The following TNRC6B variants were observed in gnomAD, a reference collection of about 807,000 sequenced individuals.
The protein encoded by TNRC6B is trinucleotide repeat-containing gene 6B protein.
In TNRC6B, 52 loss-of-function variants were observed where a neutral mutation model predicts 203.6. The ratio of observed to expected loss-of-function variants is 0.26; its 90% CI spans 0.20 to 0.32. The LOEUF is 0.32. TNRC6B is among the 10% of genes least tolerant of loss of function. The pLI is 1.00. For synonymous variants in TNRC6B, 838 were observed against 845.7 expected (o/e 0.99, Z 0.16); for missense variants, 1,923 against 2,286.2 (o/e 0.84, Z 3.24).
chr22:40,125,025 A>T (rs369641825), intron 2 of TNRC6B, among the ~76,000 whole-genome samples: 33 of 152,050 alleles, frequency 2.2e-4, no homozygotes, highest in Admixed American at 9.8e-4. Context: ...AAAAAAAAAA[A>T]ATATTCCTCA....
At chr22:40,096,746 A>C (rs1366143023) in intron 1 of TNRC6B, among the ~76,000 whole-genome samples, 1 of 152,246 alleles carries the variant, frequency 6.6e-6, no homozygotes, top group Non-Finnish European at 1.5e-5. Context: ...GCCAGAAAGC[A>C]TAATGTTAGA....
chr22:40,310,248 G>C (rs765758391), intron 16 of TNRC6B, among the ~76,000 whole-genome samples: 37 of 152,274 alleles, frequency 2.4e-4, no homozygotes, highest in Non-Finnish European at 4.4e-4. Context: ...TCTTGTGCTG[G>C]CAAAGACCCT....
intron 1 of TNRC6B, among the ~76,000 whole-genome samples, chr22:40,239,518 A>G (rs1477412449): frequency 6.6e-6 from 1 of 152,202 alleles, no homozygotes; most frequent in Non-Finnish European, 1.5e-5. Flanking sequence ...AAGCAAGTGG[A>G]TATTGAGCTA....
chr22:40,190,946 CAAG>C (rs940372468), intron 1 of TNRC6B, among the ~76,000 whole-genome samples: 2 of 152,138 alleles, frequency 1.3e-5, no homozygotes, highest in Non-Finnish European at 2.9e-5. Flanking sequence ...GTGCTGGAAA[CAAG>C]AAGGTAAGAA....
chr22:40,267,593 G>A (rs2070498842), intron 5 of TNRC6B, among the ~76,000 whole-genome samples: 1 of 152,192 alleles, frequency 6.6e-6, no homozygotes. Context: ...GTCCTAGTGA[G>A]ATGGCTCACA....
chr22:40,292,548 T>G, intron 12 of TNRC6B, among the ~76,000 whole-genome samples: 1 of 152,228 alleles, frequency 6.6e-6, no homozygotes, highest in East Asian at 1.9e-4. Context: ...AAATGCCATA[T>G]CGATTGCAAC....
intron 1 of TNRC6B, among the ~76,000 whole-genome samples, chr22:40,236,408 G>A (rs561118532): frequency 8.5e-5 from 13 of 152,086 alleles, no homozygotes; most frequent in Non-Finnish European, 1.6e-4. Flanking sequence ...CATCCAAGTT[G>A]GTGTATTATT....
Position 40,251,161 on chromosome 22 carries a change from T to G in TNRC6B, c.94-18T>G, listed in dbSNP as rs1399264065. ...TTAAAAAGCAAATCTCATTTACTTT[T>G]ATCTGTTTATTTTGCAGGTCACGGA... On this transcript the variant is annotated intron_variant, in intron 2 of 22. Coordinates refer to ENST00000454349, the MANE Select transcript of TNRC6B (RefSeq NM_001162501.2). The G allele has an allele frequency of 6.5e-7, 1 of 1,532,828 alleles. No individual in the cohort carries two copies. Among genetic ancestry groups the G allele is most frequent in the South Asian group, 1.2e-5 (1 of 81,872 alleles). 95.0% of individuals were successfully genotyped at this position (1,532,828 alleles called of 1,614,324 possible). A position where few individuals can be genotyped will look rare whatever the true frequency, so the allele number is the denominator to read the frequency against.
intron 3 of TNRC6B, among the ~76,000 whole-genome samples, chr22:40,127,870 C>CA (rs947466771): frequency 2.6e-5 from 4 of 150,986 alleles, no homozygotes; most frequent in East Asian, 3.9e-4. Flanking sequence ...GACCCTGCCT[C>CA]AAAAAAAAGG....
chr22:40,085,995 C>G (rs2068097280), intron 1 of TNRC6B, among the ~76,000 whole-genome samples: 1 of 152,028 alleles, frequency 6.6e-6, no homozygotes, highest in Non-Finnish European at 1.5e-5. Context: ...CTCAGCCCCT[C>G]TAGTAGCTGG....
chr22:40,277,159 T>G lies in TNRC6B; in HGVS notation c.3216+8T>G. The G allele has an allele frequency of 1.2e-6, 2 of 1,600,948 alleles. No homozygotes were observed. Among genetic ancestry groups the G allele is most frequent in the Middle Eastern group, 1.7e-4 (1 of 5,756 alleles). ...TCAAATATGGGATTGCTGGTAAGTT[T>G]TATTTTTTTCAAATGTATAACGTAT... On this transcript the variant is annotated splice_region_variant and intron_variant, in intron 8 of 22. Coordinates refer to ENST00000454349, the MANE Select transcript of TNRC6B (RefSeq NM_001162501.2).
intron 1 of TNRC6B, among the ~76,000 whole-genome samples, chr22:40,216,858 A>T (rs1349839992): frequency 6.6e-6 from 1 of 152,222 alleles, no homozygotes. Context: ...TAATTCTCAT[A>T]GTGGTTTCTG....
At chr22:40,238,799 A>G (rs1280652237) in intron 1 of TNRC6B, among the ~76,000 whole-genome samples, 3 of 152,152 alleles carry the variant, frequency 2.0e-5, no homozygotes, top group Admixed American at 1.3e-4. Context: ...TTATACATGC[A>G]TCTTGTTGTA....
chr22:40,290,352 TTG>T (rs1312913903), intron 12 of TNRC6B, among the ~76,000 whole-genome samples: 1 of 152,152 alleles, frequency 6.6e-6, no homozygotes, highest in Admixed American at 6.5e-5. Flanking sequence ...AAAAGGCAGG[TTG>T]TGTTACTCTT....
In TNRC6B at chr22:40,301,216, C is replaced by G; in HGVS notation, c.4003C>G (p.His1335Asp). The stretch of plus-strand genomic sequence containing the variant: ...GCAGCAGAGGCAGCCAGGCATGAAG[C>G]ACTCGCCCTCTCATCCTGTTGGGCC... Reference protein sequence around the residue: ...QQQQRQPGMKHSPSHPVGPKP... With the variant: ...QQQQRQPGMKDSPSHPVGPKP... The change falls in exon 15 of 23, where the codon CAC becomes GAC. Residue 1335 changes from histidine to aspartate, a missense_variant. Around this residue, in one of 8 missense-constraint regions of TNRC6B, gnomAD observed 242 missense variants for 399.5 expected, o/e 0.61. Coordinates refer to ENST00000454349, the MANE Select transcript of TNRC6B (RefSeq NM_001162501.2). The G allele has an allele frequency of 6.4e-7, 1 of 1,555,884 alleles. No homozygotes were observed. Among genetic ancestry groups the G allele is most frequent in the Non-Finnish European group, 8.7e-7 (1 of 1,149,272 alleles).
chr22:40,144,457 C>T (rs1032861461), intron 3 of TNRC6B, among the ~76,000 whole-genome samples: 4 of 152,038 alleles, frequency 2.6e-5, no homozygotes, highest in African/African-American at 7.2e-5. Context: ...GGGCGGATCA[C>T]GAGGTCAGGA....
intron 1 of TNRC6B, among the ~76,000 whole-genome samples, chr22:40,189,463 C>T (rs1454554577): frequency 2.0e-5 from 3 of 150,150 alleles, no homozygotes; most frequent in Admixed American, 1.3e-4. Context: ...CAGCATTTCC[C>T]GCTGTTTGTT....
intron 1 of TNRC6B, among the ~76,000 whole-genome samples, chr22:40,208,465 G>A (rs2069516194): frequency 6.6e-6 from 1 of 152,162 alleles, no homozygotes. Context: ...ATGAATTTTA[G>A]GGACATAGCA....
intron 1 of TNRC6B, among the ~76,000 whole-genome samples, chr22:40,085,399 C>CA (rs1294805589): frequency 2.0e-5 from 3 of 151,892 alleles, no homozygotes; most frequent in Admixed American, 1.3e-4. Context: ...CATTAGGATC[C>CA]AAAAAAAGGG....
Sources: allele counts gnomAD v4.1 joint callset (sites outside exome capture counted in the v4.1 genomes callset), GRCh38; gene constraint gnomAD v4.1.1; regional missense constraint gnomAD v4.1.1; transcripts MANE v1.5; gene names NCBI Gene and HGNC (gene_info 2026-07-23, HGNC 2026-07-21).